Variants in DMD observed in about 807,000 individuals in gnomAD.
The protein encoded by DMD is dystrophin, also known as mutant dystrophin.
In DMD, 63 loss-of-function variants were observed where a neutral mutation model predicts 330.1. The observed-to-expected ratio is 0.19, with a 90% confidence interval of 0.16 to 0.24. The LOEUF is 0.24. DMD is among the 10% of genes least tolerant of loss of function. The pLI is 1.00. For synonymous variants in DMD, 1,223 were observed against 959.8 expected (o/e 1.27, Z -5.07); for missense variants, 3,344 against 2,684.1 (o/e 1.25, Z -5.43).
chrX:32,697,045 C>A (rs921574514), intron 9 of DMD, among the ~76,000 whole-genome samples: 20 of 111,874 alleles, frequency 1.8e-4, no homozygotes, highest in African/African-American at 5.2e-4. Flanking sequence ...TTTAAACTCC[C>A]ATTCATAGTG....
intron 44 of DMD, among the ~76,000 whole-genome samples, chrX:32,188,671 A>C (rs2096958319): frequency 9.2e-6 from 1 of 108,772 alleles, no homozygotes; most frequent in Non-Finnish European, 1.9e-5. Flanking sequence ...GTATAGTAGA[A>C]ATCTGGAAGT....
chrX:32,059,806 A>T (rs1237684023), intron 44 of DMD, among the ~76,000 whole-genome samples: 2 of 111,378 alleles, frequency 1.8e-5, no homozygotes, highest in Non-Finnish European at 3.8e-5. Flanking sequence ...AGATAGTAAG[A>T]TACCTGAAAT....
At chrX:33,314,329 C>T (rs1770409840) in intron 1 of DMD, among the ~76,000 whole-genome samples, 1 of 109,575 alleles carries the variant, frequency 9.1e-6, no homozygotes, top group Admixed American at 9.8e-5. Flanking sequence ...ACGATCTCGG[C>T]TCACTGCAAC....
intron 1 of DMD, among the ~76,000 whole-genome samples, chrX:33,325,286 T>C: frequency 8.9e-6 from 1 of 112,192 alleles, no homozygotes; most frequent in Non-Finnish European, 1.9e-5. Context: ...TTACACAGAA[T>C]TGTGCTTTTT....
chrX:32,199,499 C>T (rs1007064839), intron 44 of DMD, among the ~76,000 whole-genome samples: 5 of 110,453 alleles, frequency 4.5e-5, no homozygotes, highest in Non-Finnish European at 9.5e-5. Flanking sequence ...TAAATACTGC[C>T]AATTACACAC....
At chrX:32,283,857 T>G (rs2148434701) in intron 43 of DMD, among the ~76,000 whole-genome samples, 1 of 111,636 alleles carries the variant, frequency 9.0e-6, no homozygotes. Context: ...TAACTGCCCC[T>G]TTACAGAAAA....
At chrX:33,215,517 T>C (rs905779514), upstream of DMD, among the ~76,000 whole-genome samples, 1 of 111,586 alleles carries the variant, frequency 9.0e-6, no homozygotes, top group African/African-American at 3.3e-5. Context: ...CAGAAGCTCT[T>C]TGGCTTAGTC....
intron 43 of DMD, among the ~76,000 whole-genome samples, chrX:32,262,270 A>G (rs1419526188): frequency 8.9e-6 from 1 of 112,130 alleles, no homozygotes; most frequent in Non-Finnish European, 1.9e-5. Context: ...TACATACTTC[A>G]TGATTCTACT....
chrX:31,436,241 G>A (rs962774705), intron 60 of DMD, among the ~76,000 whole-genome samples: 2 of 111,926 alleles, frequency 1.8e-5, no homozygotes, highest in Non-Finnish European at 3.8e-5. Context: ...TTAGAAATTA[G>A]TATATAAAGA....
In DMD at chrX:31,511,127, G is replaced by A. The variant is rs181779589; in HGVS notation, c.8218-3674C>T. The stretch of plus-strand genomic sequence containing the variant: ...AGGTAAGTATTGGGAAAGAACCCAA[G>A]GCTCTCTTTCAAAAGCTGGCATGCT... On this transcript the variant is annotated intron_variant, in intron 55 of 78. Transcript: ENST00000357033. Among the ~76,000 whole-genome samples the A allele has an allele frequency of 1.8e-3, 199 of 110,029 alleles. No individual in the cohort carries two copies. In the Middle Eastern group the frequency reaches 0.019, roughly 10 times the overall value.
chrX:32,659,089 T>C (rs769104554), intron 9 of DMD, among the ~76,000 whole-genome samples: 2 of 111,935 alleles, frequency 1.8e-5, no homozygotes, highest in Non-Finnish European at 3.8e-5. Context: ...CAACCCAGAA[T>C]AGAGAACTAA....
rs1280840728 is a variant in DMD at position 33,081,016 on chromosome X, AT to A, written c.32-60817del. ...CACACACACACACACACAAAAACAC[AT>A]GTAAATACAGACAGAAGATTTGGCA... On this transcript the variant is annotated intron_variant, in intron 1 of 78. Coordinates refer to ENST00000357033, the MANE Select transcript of DMD (RefSeq NM_004006.3). Among the ~76,000 whole-genome samples the A allele has an allele frequency of 3.6e-3, 378 of 103,602 alleles. 4 individuals carry two copies. Among genetic ancestry groups the A allele is most frequent in the African/African-American group, 0.013 (351 of 26,561 alleles). 90.0% of individuals were successfully genotyped at this position (103,602 alleles called of 115,157 possible).
Position 32,883,668 on chromosome X carries a change from C to CA in DMD, c.94-33849dup, listed in dbSNP as rs760979277. Reference sequence around the variant, plus strand: ...TGAAACCCCGTCTCTACTAAAAATACAAAAAATTAGCCGGGCATGGTGGCG... The same window carrying CA: ...TGAAACCCCGTCTCTACTAAAAATACAAAAAAATTAGCCGGGCATGGTGGCG... On this transcript the variant is annotated intron_variant, in intron 2 of 78. Transcript: ENST00000357033. Among the ~76,000 whole-genome samples the CA allele has an allele frequency of 3.5e-3, 371 of 107,217 alleles. 1 individual carries two copies. Among genetic ancestry groups the CA allele is most frequent in the Admixed American group, 5.0e-3 (50 of 9,934 alleles). 93.1% of individuals were successfully genotyped at this position (107,217 alleles called of 115,157 possible).
intron 53 of DMD, among the ~76,000 whole-genome samples, chrX:31,667,815 T>C (rs2081517143): frequency 1.8e-5 from 2 of 111,190 alleles, no homozygotes; most frequent in Non-Finnish European, 3.8e-5. Context: ...CCACAAAAAT[T>C]AAAAATTAAA....
chrX:32,350,321 A>C lies in DMD; in HGVS notation c.5326-1793T>G, dbSNP rs758438252. On this transcript the variant is annotated intron_variant, in intron 37 of 78. Transcript: ENST00000357033. Reference sequence around the variant, plus strand: ...GCTGTTATCTGACTTTTGAATTCCCATCTAGACTCTCCAATAGCCAGCTGA... The same window carrying C: ...GCTGTTATCTGACTTTTGAATTCCCCTCTAGACTCTCCAATAGCCAGCTGA... 2.7e-5 allele frequency among the ~76,000 whole-genome samples: 3 copies of C among 110,967 alleles called. No homozygotes were observed. In the South Asian group the frequency reaches 1.1e-3, roughly 42 times the overall value.
intron 42 of DMD, among the ~76,000 whole-genome samples, chrX:32,302,963 CT>C (rs750141448): frequency 7.3e-4 from 81 of 111,158 alleles, no homozygotes; most frequent in African/African-American, 2.6e-3. Flanking sequence ...CAATACAGTA[CT>C]TTGCTAAACT....
intron 18 of DMD, among the ~76,000 whole-genome samples, chrX:32,506,392 T>C (rs1257619869): frequency 1.0e-5 from 1 of 96,957 alleles, no homozygotes; most frequent in Non-Finnish European, 2.0e-5. Context: ...TTAGGAATAC[T>C]GGATTCAATA....
At chrX:33,307,566 G>A (rs775411213) in intron 1 of DMD, among the ~76,000 whole-genome samples, 6 of 111,751 alleles carry the variant, frequency 5.4e-5, no homozygotes, top group African/African-American at 1.3e-4. Flanking sequence ...CGTGGCATAC[G>A]CCTGTAGTCC....
At chrX:31,639,466 C>A in intron 54 of DMD, among the ~76,000 whole-genome samples, 1 of 112,092 alleles carries the variant, frequency 8.9e-6, no homozygotes, top group Non-Finnish European at 1.9e-5. Context: ...AGCCATGCAA[C>A]TAACTGCCAT....
Sources: gnomAD v4.1 joint callset for allele counts (sites outside exome capture counted in the v4.1 genomes callset) on GRCh38, gnomAD v4.1.1 for gene constraint, MANE v1.5 for transcripts, NCBI Gene and HGNC (gene_info 2026-07-23, HGNC 2026-07-21) for gene names.